FBXL17: variants seen among roughly 807,000 people sequenced by gnomAD.
The protein encoded by FBXL17 is F-box and leucine rich repeat protein 17.
A neutral mutation model predicts 66.2 loss-of-function variants in FBXL17; 22 were observed. The ratio of observed to expected loss-of-function variants is 0.33; its 90% CI spans 0.24 to 0.47. The LOEUF is 0.47. Ranked by LOEUF, FBXL17 falls within the 20% of genes least tolerant of loss-of-function variation. The probability of loss-of-function intolerance (pLI) is 1.00; values close to 1 mark genes in which losing one functional copy is unlikely to be tolerated. For synonymous variants in FBXL17, 474 were observed against 400.5 expected (o/e 1.18, Z -2.19); for missense variants, 878 against 948.2 (o/e 0.93, Z 0.97).
intron 7 of FBXL17, among the ~76,000 whole-genome samples, chr5:107,902,662 G>A (rs1749608948): frequency 1.3e-5 from 2 of 152,128 alleles, no homozygotes; most frequent in Non-Finnish European, 2.9e-5. Context: ...ACCTGAAGAT[G>A]ATGTACTCTT....
intron 6 of FBXL17, among the ~76,000 whole-genome samples, chr5:108,164,631 A>G (rs1752340595): frequency 6.6e-6 from 1 of 152,174 alleles, no homozygotes; most frequent in Non-Finnish European, 1.5e-5. Flanking sequence ...TATAACTGAT[A>G]TGTATTAAGT....
chr5:108,105,582 A>G (rs993201961), intron 6 of FBXL17, among the ~76,000 whole-genome samples: 1 of 152,246 alleles, frequency 6.6e-6, no homozygotes, highest in South Asian at 2.1e-4. Context: ...TGGAAAAACA[A>G]TTTAAATACT....
intron 3 of FBXL17, among the ~76,000 whole-genome samples, chr5:108,359,898 A>C (rs115050174): frequency 0.016 from 2,490 of 152,228 alleles, 76 homozygotes; most frequent in African/African-American, 0.056. Context: ...CTTAAGTCTC[A>C]AATGATTAAT....
At chr5:107,958,597 T>C (rs1051818678) in intron 7 of FBXL17, among the ~76,000 whole-genome samples, 3 of 152,222 alleles carry the variant, frequency 2.0e-5, no homozygotes, top group Non-Finnish European at 4.4e-5. Flanking sequence ...AGCTCTTATG[T>C]GCTCCTCTGT....
chr5:107,923,055 A>C (rs563214953), intron 7 of FBXL17, among the ~76,000 whole-genome samples: 13 of 152,272 alleles, frequency 8.5e-5, no homozygotes, highest in Middle Eastern at 3.4e-3. Context: ...CTTTTTGAAA[A>C]TCAAATTTTT....
intron 3 of FBXL17, among the ~76,000 whole-genome samples, chr5:108,362,346 A>G (rs1030933309): frequency 9.2e-5 from 14 of 152,312 alleles, no homozygotes; most frequent in African/African-American, 2.9e-4. Context: ...GAGTCACATA[A>G]TATAGTAACA....
chr5:107,929,086 CTCTT>C (rs1383202841), intron 7 of FBXL17, among the ~76,000 whole-genome samples: 2 of 152,156 alleles, frequency 1.3e-5, no homozygotes, highest in African/African-American at 4.8e-5. Context: ...GGTGAAATCT[CTCTT>C]TATCTCAAAG....
At chr5:108,376,293 T>C (rs1482627693) in intron 1 of FBXL17, among the ~76,000 whole-genome samples, 1 of 152,160 alleles carries the variant, frequency 6.6e-6, no homozygotes, top group Non-Finnish European at 1.5e-5. Flanking sequence ...AGACATGGAA[T>C]ATAAACAAAA....
At chr5:107,978,686 C>A (rs1752682953) in intron 7 of FBXL17, among the ~76,000 whole-genome samples, 1 of 152,156 alleles carries the variant, frequency 6.6e-6, no homozygotes, top group Admixed American at 6.6e-5. Context: ...TCATTCCCAA[C>A]CAATCAACAT....
intron 6 of FBXL17, among the ~76,000 whole-genome samples, chr5:108,092,223 C>T (rs967167849): frequency 6.6e-6 from 1 of 151,874 alleles, no homozygotes; most frequent in Non-Finnish European, 1.5e-5. Context: ...CGACCCTTAG[C>T]GATCCAGAGA....
chr5:108,293,958 T>C (rs888572623), intron 4 of FBXL17, among the ~76,000 whole-genome samples: 1 of 147,058 alleles, frequency 6.8e-6, no homozygotes, highest in Admixed American at 6.9e-5. Flanking sequence ...CAAGAATCCA[T>C]TGAACCCAGG....
At chr5:108,210,106 T>TA (rs1754302176) in intron 5 of FBXL17, among the ~76,000 whole-genome samples, 1 of 152,208 alleles carries the variant, frequency 6.6e-6, no homozygotes, top group Non-Finnish European at 1.5e-5. Context: ...CATAGAGGTG[T>TA]TTATAGTATT....
intron 7 of FBXL17, among the ~76,000 whole-genome samples, chr5:107,973,519 G>A (rs1429579273): frequency 1.3e-5 from 2 of 151,774 alleles, no homozygotes. Flanking sequence ...TCATACCTGC[G>A]CTCAGAAAAT....
chr5:107,940,608 T>G lies in FBXL17; in HGVS notation c.1823-59429A>C, dbSNP rs187781071. Reference sequence around the variant, plus strand: ...AGGTAGGACTGCCTATTAGAGAAAATGAAGTAGTTGGAGGGTGGGCGTGTA... The same window carrying G: ...AGGTAGGACTGCCTATTAGAGAAAAGGAAGTAGTTGGAGGGTGGGCGTGTA... On this transcript the variant is annotated intron_variant, in intron 7 of 8. Transcript: ENST00000542267. Among the ~76,000 whole-genome samples the G allele has an allele frequency of 1.8e-3, 272 of 152,044 alleles. 1 individual carries two copies. Among genetic ancestry groups the G allele is most frequent in the Admixed American group, 4.6e-3 (70 of 15,254 alleles).
At chr5:108,258,946 G>A (rs1756695504) in intron 4 of FBXL17, among the ~76,000 whole-genome samples, 1 of 152,078 alleles carries the variant, frequency 6.6e-6, no homozygotes, top group Non-Finnish European at 1.5e-5. Context: ...AATAAAAGCT[G>A]TAATATGCTT....
chr5:108,037,174 T>C (rs904399977), intron 6 of FBXL17, among the ~76,000 whole-genome samples: 1 of 152,184 alleles, frequency 6.6e-6, no homozygotes, highest in African/African-American at 2.4e-5. Context: ...TGATATTTAT[T>C]TTACAGTAAG....
chr5:108,027,705 ACTATCT>A (rs929462601), intron 6 of FBXL17, among the ~76,000 whole-genome samples: 2 of 152,096 alleles, frequency 1.3e-5, no homozygotes, highest in African/African-American at 4.8e-5. Flanking sequence ...AAGTCATATT[ACTATCT>A]CTATAACTAT....
intron 6 of FBXL17, among the ~76,000 whole-genome samples, chr5:108,069,011 T>C (rs975671660): frequency 4.6e-5 from 7 of 152,150 alleles, no homozygotes; most frequent in African/African-American, 1.7e-4. Flanking sequence ...GGAAACAAGA[T>C]CATAAGATAA....
In FBXL17 at chr5:108,223,775, C is replaced by A. The variant is rs1177967841; in HGVS notation, c.1614+346G>T. ...ACTGACCATATTCACTTTTTAAAGCCAAATACTCATAAGATCTAGTGATAT... is the reference window on the plus strand; with the variant it reads ...ACTGACCATATTCACTTTTTAAAGCAAAATACTCATAAGATCTAGTGATAT... On this transcript the variant is annotated intron_variant, in intron 5 of 8. Transcript: ENST00000542267. 5.3e-5 allele frequency among the ~76,000 whole-genome samples: 8 copies of A among 151,880 alleles called. No individual in the cohort carries two copies. In the South Asian group the frequency reaches 1.7e-3, roughly 32 times the overall value.
Sources: gnomAD v4.1 joint callset for allele counts (sites outside exome capture counted in the v4.1 genomes callset) on GRCh38, gnomAD v4.1.1 for gene constraint, MANE v1.5 for transcripts, NCBI Gene and HGNC (gene_info 2026-07-23, HGNC 2026-07-21) for gene names.